The following ANKRD30BL variants were observed in gnomAD, a reference collection of about 807,000 sequenced individuals.
ANKRD30BL encodes the protein ankyrin repeat domain 30B like, also known as putative ankyrin repeat domain-containing protein 30B-like.
In ANKRD30BL, 20 loss-of-function variants were observed where a neutral mutation model predicts 18.4. The observed-to-expected ratio is 1.09, with a 90% confidence interval of 0.77 to 1.58. ANKRD30BL has a LOEUF of 1.58. Ranked by LOEUF, ANKRD30BL falls within the 40% of genes most tolerant of loss-of-function variation. The pLI is 0.00. For missense variants in ANKRD30BL, 224 were observed against 268.6 expected, an observed-to-expected ratio of 0.83 and a Z score of 1.16; for synonymous variants, 72 against 100.9, an observed-to-expected ratio of 0.71 and a Z score of 1.72.
intron 1 of ANKRD30BL, among the ~76,000 whole-genome samples, chr2:132,168,661 C>T (rs527708534): frequency 9.8e-4 from 149 of 152,082 alleles, no homozygotes; most frequent in Non-Finnish European, 1.8e-3. Context: ...ATAGTAGCTA[C>T]AGCTGATAAG....
In ANKRD30BL at chr2:132,157,195, A is replaced by G. The variant is rs768925967; in HGVS notation, c.334-49T>C. The G allele has an allele frequency of 3.7e-5, 47 of 1,269,578 alleles. 4 individuals carry two copies. The South Asian group carries it at 6.6e-4, about 18-fold the overall frequency. 78.6% of individuals were successfully genotyped at this position (1,269,578 alleles called of 1,614,324 possible). A position where few individuals can be genotyped will look rare whatever the true frequency, so the allele number is the denominator to read the frequency against. ...AAATTATAAATTATAGGAAATATAAATAAATATTCCACAGGTTTCACAAAC... is the reference window on the plus strand; with the variant it reads ...AAATTATAAATTATAGGAAATATAAGTAAATATTCCACAGGTTTCACAAAC... On this transcript the variant is annotated intron_variant, in intron 2 of 5. Coordinates refer to ENST00000409867, the MANE Select transcript of ANKRD30BL (RefSeq NM_001358416.1).
At chr2:132,218,892 C>A (rs1428063265) in intron 1 of ANKRD30BL, among the ~76,000 whole-genome samples, 3 of 152,094 alleles carry the variant, frequency 2.0e-5, no homozygotes, top group Non-Finnish European at 4.4e-5. Context: ...TTTGATAGAG[C>A]TGATTTTAAA....
At chr2:132,214,491 G>A (rs1400519630) in intron 1 of ANKRD30BL, among the ~76,000 whole-genome samples, 2 of 151,088 alleles carry the variant, frequency 1.3e-5, no homozygotes, top group Non-Finnish European at 2.9e-5. Context: ...TGGTCAAAAA[G>A]GAAATATCTT....
intron 1 of ANKRD30BL, among the ~76,000 whole-genome samples, chr2:132,240,535 A>G (rs559452303): frequency 1.8e-4 from 27 of 152,028 alleles, no homozygotes; most frequent in African/African-American, 6.3e-4. Flanking sequence ...CTTCCTTTTG[A>G]TGGGTGTACT....
intron 1 of ANKRD30BL, among the ~76,000 whole-genome samples, chr2:132,209,668 G>A (rs1259820584): frequency 6.6e-6 from 1 of 151,918 alleles, no homozygotes; most frequent in African/African-American, 2.4e-5. Flanking sequence ...GGGGCCTGTG[G>A]TAGAAAAGGA....
At chr2:132,239,877 G>T (rs1319221562) in intron 1 of ANKRD30BL, among the ~76,000 whole-genome samples, 1 of 151,900 alleles carries the variant, frequency 6.6e-6, no homozygotes, top group Non-Finnish European at 1.5e-5. Flanking sequence ...AACTCACAGA[G>T]TTGAACCTTT....
At chr2:132,153,718 C>A (rs1340174116) in intron 4 of ANKRD30BL, 1 of 1,160,126 alleles carries the variant, frequency 8.6e-7, no homozygotes, top group South Asian at 1.2e-5. Context: ...GAGATAACTT[C>A]ATTATTAGGA....
At chr2:132,214,386 G>A (rs1301016747) in intron 1 of ANKRD30BL, among the ~76,000 whole-genome samples, 8 of 151,164 alleles carry the variant, frequency 5.3e-5, no homozygotes, top group South Asian at 2.1e-4. Flanking sequence ...CTGTGCATTC[G>A]TCTCACAGAG....
intron 1 of ANKRD30BL, among the ~76,000 whole-genome samples, chr2:132,215,680 T>C (rs1175133534): frequency 6.6e-6 from 1 of 151,934 alleles, no homozygotes; most frequent in Non-Finnish European, 1.5e-5. Flanking sequence ...AGGCCTATGG[T>C]GGAAAAGGAA....
chr2:132,184,907 A>G (rs1366920372), intron 1 of ANKRD30BL, among the ~76,000 whole-genome samples: 1 of 151,200 alleles, frequency 6.6e-6, no homozygotes, highest in Non-Finnish European at 1.5e-5. Context: ...CCACCTCCCC[A>G]GATCAAGGGA....
intron 1 of ANKRD30BL, among the ~76,000 whole-genome samples, 179 bp downstream of exon 1, chr2:132,161,309 C>G (rs1404365431): frequency 6.6e-6 from 1 of 152,132 alleles, no homozygotes; most frequent in Non-Finnish European, 1.5e-5. Context: ...CATCCAAGGC[C>G]TGGGGGACCT....
chr2:132,173,430 G>C (rs1688315021), intron 1 of ANKRD30BL, among the ~76,000 whole-genome samples: 1 of 151,262 alleles, frequency 6.6e-6, no homozygotes, highest in Non-Finnish European at 1.5e-5. Context: ...ATCCTAAGTA[G>C]CTGGGACTAC....
At chr2:132,175,758 A>C (rs988139394) in intron 1 of ANKRD30BL, among the ~76,000 whole-genome samples, 1 of 152,202 alleles carries the variant, frequency 6.6e-6, no homozygotes, top group Non-Finnish European at 1.5e-5. Flanking sequence ...GAGACTAGAG[A>C]ATGGCGATGA....
At position 132,147,870 on chromosome 2, in the gene ANKRD30BL, A is replaced by G. The variant is rs1687647198; in HGVS notation, c.*261T>C. On this transcript the variant is annotated 3_prime_UTR_variant, in exon 6 of 6. Transcript: ENST00000409867. Reference sequence around the variant, plus strand: ...CAGGTGTCTAAGGATGACTAAGGACAGAGCAGGTTACTAAGAATGACTAAA... The same window carrying G: ...CAGGTGTCTAAGGATGACTAAGGACGGAGCAGGTTACTAAGAATGACTAAA... The G allele has an allele frequency of 1.2e-5, 5 of 434,156 alleles. No homozygotes were observed. The highest frequency in any genetic ancestry group is 1.3e-5 in the Non-Finnish European group (3 of 232,424). 26.9% of individuals were successfully genotyped at this position (434,156 alleles called of 1,614,324 possible).
chr2:132,195,149 GAATT>G (rs1678936920), intron 1 of ANKRD30BL, among the ~76,000 whole-genome samples: 2 of 152,182 alleles, frequency 1.3e-5, no homozygotes, highest in African/African-American at 4.8e-5. Context: ...GTAGTTGGAA[GAATT>G]AATGATTCAA....
At chr2:132,198,312 C>CTTTTTTTTTT (rs1558928547) in intron 1 of ANKRD30BL, among the ~76,000 whole-genome samples, 1 of 12,226 alleles carries the variant, frequency 8.2e-5, no homozygotes. Flanking sequence ...TTCTTTCTTT[C>CTTTTTTTTTT]TTTCTTTCTT....
chr2:132,187,173 T>G (rs547664968), intron 1 of ANKRD30BL, among the ~76,000 whole-genome samples: 8 of 126,288 alleles, frequency 6.3e-5, no homozygotes, highest in South Asian at 4.5e-4. Context: ...AAGTTTTTTG[T>G]TTTTTTTTTT....
Position 132,147,842 on chromosome 2 carries a change from G to A in ANKRD30BL, c.*289C>T. On this transcript the variant is annotated 3_prime_UTR_variant, in exon 6 of 6. Coordinates refer to ENST00000409867, the MANE Select transcript of ANKRD30BL (RefSeq NM_001358416.1). ...AGTTTCAGCGGGAAAGACAGTTACA[G>A]AGCAGGTGTCTAAGGATGACTAAGG... 2.7e-6 allele frequency: 1 copy of A among 366,976 alleles called. No homozygotes were observed. Among genetic ancestry groups the A allele is most frequent in the East Asian group, 5.8e-5 (1 of 17,388 alleles). The allele number at this position is 366,976 out of a possible 1,614,324, so 22.7% of individuals were successfully genotyped here. A position where few individuals can be genotyped will look rare whatever the true frequency, so the allele number is the denominator to read the frequency against.
At chr2:132,202,013 A>G (rs1679108563) in intron 1 of ANKRD30BL, among the ~76,000 whole-genome samples, 1 of 152,180 alleles carries the variant, frequency 6.6e-6, no homozygotes, top group Admixed American at 6.5e-5. Context: ...GAAATTGGAA[A>G]CCATCATTCT....
Sources: gnomAD v4.1 joint callset for allele counts (sites outside exome capture counted in the v4.1 genomes callset) on GRCh38, gnomAD v4.1.1 for gene constraint, MANE v1.5 for transcripts, NCBI Gene and HGNC (gene_info 2026-07-23, HGNC 2026-07-21) for gene names.